Variants in SEMA7A observed in about 807,000 individuals in gnomAD.
SEMA7A encodes the protein semaphorin 7A (JohnMiltonHagen blood group).
In SEMA7A, 21 loss-of-function variants were observed where a neutral mutation model predicts 67.5. The observed-to-expected ratio is 0.31, with a 90% CI of 0.22 to 0.45. The LOEUF is 0.45. Ranked by LOEUF, SEMA7A falls within the 20% of genes least tolerant of loss-of-function variation. The pLI is 1.00. For missense variants in SEMA7A, 774 were observed against 908.6 expected (o/e 0.85, Z 1.90); for synonymous variants, 364 against 368.5 (o/e 0.99, Z 0.14).
chr15:74,411,793 T>G lies in SEMA7A; in HGVS notation c.1423-83A>C. ...TGTCCAGGCCCTAAGGCCTAGAAGC[T>G]CTTAAAAGAACACACAAATCACATG... On this transcript the variant is annotated intron_variant, in intron 11 of 13. Transcript: ENST00000261918. The surrounding 1 kb of genome is among the most constrained non-coding windows in gnomAD (Gnocchi z 4.4). 1.2e-6 allele frequency: 2 copies of G among 1,602,566 alleles called. No individual in the cohort carries two copies. The highest frequency in any genetic ancestry group is 1.7e-6 in the Non-Finnish European group (2 of 1,175,638).
At chr15:74,412,452 G>A (rs2060909878) in intron 10 of SEMA7A, among the ~76,000 whole-genome samples, 1 of 152,232 alleles carries the variant, frequency 6.6e-6, no homozygotes, top group African/African-American at 2.4e-5. Context: ...CTGGTGAGCA[G>A]CAGAGACCGA....
intron 1 of SEMA7A, 101 bp downstream of exon 1, chr15:74,433,640 G>A (rs1407207841): frequency 3.3e-5 from 43 of 1,304,096 alleles, no homozygotes; most frequent in Non-Finnish European, 4.1e-5. Context: ...CCCGGGACCC[G>A]CAGAGCTGCG....
intron 7 of SEMA7A, among the ~76,000 whole-genome samples, chr15:74,416,343 C>A (rs1223805000): frequency 2.6e-5 from 4 of 151,270 alleles, no homozygotes; most frequent in East Asian, 3.9e-4. Context: ...ACACACACAC[C>A]CCATCATACA....
chr15:74,417,748 G>A (rs971808259), intron 4 of SEMA7A, 73 bp from the exon 5 acceptor site: 66 of 1,547,300 alleles, frequency 4.3e-5, no homozygotes, highest in South Asian at 1.2e-4. Flanking sequence ...CCAGTTTCTC[G>A]GCCAGGAGCC....
intron 7 of SEMA7A, 108 bp from the exon 8 acceptor site, chr15:74,416,093 G>A: frequency 1.6e-6 from 2 of 1,219,082 alleles, no homozygotes; most frequent in East Asian, 2.4e-5. Context: ...AGAGGAGGAA[G>A]GCAGGCTGTG....
chr15:74,417,692 G>A lies in SEMA7A; in HGVS notation c.466-17C>T, dbSNP rs1249464709. The A allele has an allele frequency of 1.9e-6, 3 of 1,601,672 alleles. No homozygotes were observed. Among genetic ancestry groups the A allele is most frequent in the Admixed American group, 1.7e-5 (1 of 59,588 alleles). On this transcript the variant is annotated splice_polypyrimidine_tract_variant and intron_variant, in intron 4 of 13. Coordinates refer to ENST00000261918, the MANE Select transcript of SEMA7A (RefSeq NM_003612.5). ...GCCATTCACCTGTGGGAGATCCAGA[G>A]GGTTGGATGGCCACATAATCCCACA...
intron 1 of SEMA7A, among the ~76,000 whole-genome samples, chr15:74,422,021 T>C (rs1371329541): frequency 1.3e-5 from 2 of 152,092 alleles, no homozygotes; most frequent in African/African-American, 4.8e-5. Context: ...GGACGCAACC[T>C]GAGCAAAGGT....
intron 3 of SEMA7A, 32 bp from the exon 4 acceptor site, chr15:74,418,001 A>ATTGGT: frequency 6.2e-7 from 1 of 1,608,608 alleles, no homozygotes; most frequent in African/African-American, 1.3e-5. Flanking sequence ...GAGGAGAGAA[A>ATTGGT]TTGGTTGCTG....
chr15:74,417,515 A>T, intron 5 of SEMA7A, 70 bp from the exon 6 acceptor site: 1 of 1,585,182 alleles, frequency 6.3e-7, no homozygotes. Flanking sequence ...CGGACACTGG[A>T]CAAAGAGCTG....
chr15:74,417,794 G>A (rs914435700), intron 4 of SEMA7A, 83 bp downstream of exon 4: 14 of 1,558,240 alleles, frequency 9.0e-6, no homozygotes, highest in African/African-American at 1.4e-5. Flanking sequence ...TTGGAGTCTC[G>A]CCATCTCCTT....
In SEMA7A at chr15:74,414,793, G is replaced by A; in HGVS notation, c.1095+45C>T. On this transcript the variant is annotated intron_variant, in intron 9 of 13. Coordinates refer to ENST00000261918, the MANE Select transcript of SEMA7A (RefSeq NM_003612.5). This position sits in a 1 kb window ranked among gnomAD's most constrained non-coding sequence, Gnocchi z 4.1. ...GGTCAGTGGGGTGGTGGGAGGTGAG[G>A]CAGAAGGAGGGCTGGGCCTGGGCCA... is the stretch of plus-strand genomic sequence containing the variant. 6.2e-6 allele frequency: 10 copies of A among 1,613,856 alleles called. No individual in the cohort carries two copies. The highest frequency in any genetic ancestry group is 8.5e-6 in the Non-Finnish European group (10 of 1,179,794).
At chr15:74,416,518 C>T (rs1197167856) in intron 7 of SEMA7A, 57 bp downstream of exon 7, 3 of 1,580,418 alleles carry the variant, frequency 1.9e-6, no homozygotes, top group Admixed American at 1.7e-5. Flanking sequence ...AACTCACCCT[C>T]ACTCAGGCCT....
intron 1 of SEMA7A, chr15:74,427,200 A>T: frequency 1.0e-6 from 1 of 984,874 alleles, no homozygotes; most frequent in Non-Finnish European, 1.2e-6. Context: ...CGCTCAGATC[A>T]TGCTGTCTGA....
Position 74,411,535 on chromosome 15 carries a change from G to A in SEMA7A, c.1577+21C>T, listed in dbSNP as rs140876409. The A allele has an allele frequency of 3.0e-4, 462 of 1,545,444 alleles. 2 individuals are homozygous for A. In the African/African-American group the frequency reaches 5.7e-3, roughly 19 times the overall value. Reference sequence around the variant, plus strand: ...CCCATGCCCACCTTCTCCCAGGGACGAGGGATCCCGGCCAACGTACCGTTC... The same window carrying A: ...CCCATGCCCACCTTCTCCCAGGGACAAGGGATCCCGGCCAACGTACCGTTC... On this transcript the variant is annotated intron_variant, in intron 12 of 13. Transcript: ENST00000261918. The surrounding 1 kb of genome is among the most constrained non-coding windows in gnomAD (Gnocchi z 4.4).
At chr15:74,412,052 A>T (rs1355446086) in intron 10 of SEMA7A, 40 bp from the exon 11 acceptor site, 3 of 1,610,904 alleles carry the variant, frequency 1.9e-6, no homozygotes, top group Non-Finnish European at 2.5e-6. Context: ...CGGGAGTCCC[A>T]CTGAGGGGCC....
chr15:74,422,313 G>A (rs756494926), intron 1 of SEMA7A, among the ~76,000 whole-genome samples: 7 of 151,746 alleles, frequency 4.6e-5, no homozygotes, highest in East Asian at 1.9e-4. Flanking sequence ...GTCTGGCACC[G>A]TGTCCCCCCC....
rs543328759 is a variant in SEMA7A, at chr15:74,433,632, C to G, written c.178+109G>C. 4.2e-4 allele frequency: 545 copies of G among 1,295,144 alleles called. 3 individuals are homozygous for G. The highest frequency in any genetic ancestry group is 2.9e-3 in the South Asian group (130 of 44,496). 80.2% of individuals were successfully genotyped at this position (1,295,144 alleles called of 1,614,324 possible). A position where few individuals can be genotyped will look rare whatever the true frequency, so the allele number is the denominator to read the frequency against. On this transcript the variant is annotated intron_variant, in intron 1 of 13. Coordinates refer to ENST00000261918, the MANE Select transcript of SEMA7A (RefSeq NM_003612.5). ...ACGCGGGGACAGCGCGGGGACAGCC[C>G]GGGACCCGCAGAGCTGCGCGCACGC...
At chr15:74,420,024 A>AC (rs1783009936) in intron 1 of SEMA7A, among the ~76,000 whole-genome samples, 2 of 152,106 alleles carry the variant, frequency 1.3e-5, no homozygotes, top group African/African-American at 4.8e-5. Context: ...CCTGGGCCTC[A>AC]CCTAGGAACT....
chr15:74,420,638 G>A (rs1002329330), intron 1 of SEMA7A, among the ~76,000 whole-genome samples: 5 of 152,156 alleles, frequency 3.3e-5, no homozygotes, highest in Admixed American at 6.5e-5. Context: ...CAGGTCTTGG[G>A]TGCTGCCCTG....
Sources: allele counts gnomAD v4.1 joint callset (sites outside exome capture counted in the v4.1 genomes callset), GRCh38; gene constraint gnomAD v4.1.1; non-coding constraint Gnocchi (gnomAD v3.1); transcripts MANE v1.5; gene names NCBI Gene and HGNC (gene_info 2026-07-23, HGNC 2026-07-21).